The following ESR1 variants were observed in gnomAD, a reference collection of about 807,000 sequenced individuals.
ESR1 encodes the protein estrogen receptor 1.
ESR1 carries 12 observed loss-of-function variants against 52.7 expected under a neutral mutation model. That is an observed-to-expected ratio of 0.23 (90% CI 0.15 to 0.37). ESR1 has a LOEUF of 0.37. Ranked by LOEUF, ESR1 falls within the 10% of genes least tolerant of loss-of-function variation. The pLI, the probability that ESR1 is intolerant of heterozygous loss-of-function variation, is 1.00. For synonymous variants in ESR1, 305 were observed against 316.8 expected, an observed-to-expected ratio of 0.96 and a Z score of 0.39; for missense variants, 584 against 779.7, an observed-to-expected ratio of 0.75 and a Z score of 2.99.
intron 2 of ESR1, among the ~76,000 whole-genome samples, chr6:151,793,292 C>T (rs1458470610): frequency 1.3e-5 from 2 of 152,100 alleles, no homozygotes; most frequent in Admixed American, 1.3e-4. Context: ...CACATCTTGT[C>T]CCACTGGAAA....
chr6:151,867,240 G>T (rs1790077358), intron 2 of ESR1, among the ~76,000 whole-genome samples: 1 of 152,112 alleles, frequency 6.6e-6, no homozygotes, highest in Non-Finnish European at 1.5e-5. Context: ...AAAAGCAATG[G>T]CAACAAAAGC....
chr6:152,101,254 T>C lies in ESR1; in HGVS notation c.*2288T>C, dbSNP rs1404800391. 4.3e-6 allele frequency: 1 copy of C among 232,310 alleles called. No individual in the cohort carries two copies. The highest frequency in any genetic ancestry group is 8.5e-6 in the Non-Finnish European group (1 of 117,336). 14.4% of individuals were successfully genotyped at this position (232,310 alleles called of 1,614,324 possible). ...GATTATGCCTGAAAAGGAAAATTAT[T>C]CAGGGCAGCTAATTTTGCTTTTACC... On this transcript the variant is annotated 3_prime_UTR_variant, in exon 8 of 8. Coordinates refer to ENST00000206249, the MANE Select transcript of ESR1 (RefSeq NM_000125.4).
At chr6:151,670,225 C>T (rs1289687277) in intron 1 of ESR1, among the ~76,000 whole-genome samples, 1 of 152,206 alleles carries the variant, frequency 6.6e-6, no homozygotes, top group African/African-American at 2.4e-5. Context: ...CCCTCAGCTT[C>T]TTACTTGGCT....
intron 1 of ESR1, among the ~76,000 whole-genome samples, chr6:151,819,163 T>C (rs1780152449): frequency 6.6e-6 from 1 of 152,260 alleles, no homozygotes. Context: ...ATGCTATCCC[T>C]ATCAGGTGAA....
intron 1 of ESR1, among the ~76,000 whole-genome samples, chr6:151,694,795 CA>C (rs71017507): frequency 1.7e-3 from 240 of 139,014 alleles, no homozygotes; most frequent in Middle Eastern, 3.9e-3. Flanking sequence ...TAAAAAAAGA[CA>C]AAAAAAAAAA....
At chr6:151,695,385 C>A (rs186055090) in intron 1 of ESR1, among the ~76,000 whole-genome samples, 2 of 152,288 alleles carry the variant, frequency 1.3e-5, no homozygotes, top group East Asian at 3.9e-4. Flanking sequence ...AGACAGGCCC[C>A]AACAAGTTGA....
chr6:151,658,083 A>C (rs1777517257), intron 1 of ESR1, among the ~76,000 whole-genome samples: 1 of 152,316 alleles, frequency 6.6e-6, no homozygotes, highest in Admixed American at 6.5e-5. Flanking sequence ...GATTTTAGCC[A>C]TCCAAGAAAG....
intron 2 of ESR1, among the ~76,000 whole-genome samples, chr6:151,722,256 A>G (rs149125850): frequency 0.02 from 3,117 of 152,352 alleles, 38 homozygotes; most frequent in East Asian, 0.033. Context: ...ATGGTGGAAC[A>G]TACCTGCCTG....
At chr6:151,937,756 A>G (rs190878489) in intron 3 of ESR1, among the ~76,000 whole-genome samples, 3 of 152,306 alleles carry the variant, frequency 2.0e-5, no homozygotes, top group Admixed American at 1.3e-4. Context: ...TCATGATATA[A>G]TCATCTTACC....
At chr6:151,973,730 T>C (rs1001938040) in intron 4 of ESR1, among the ~76,000 whole-genome samples, 8 of 152,166 alleles carry the variant, frequency 5.3e-5, no homozygotes, top group African/African-American at 1.4e-4. Flanking sequence ...CCAATAAGTA[T>C]GAATGCCACC....
At chr6:151,962,627 G>A (rs968289563) in intron 4 of ESR1, among the ~76,000 whole-genome samples, 7 of 152,160 alleles carry the variant, frequency 4.6e-5, no homozygotes, top group African/African-American at 1.7e-4. Context: ...CAAAACAAAA[G>A]TATGTGGCTT....
chr6:152,101,774 A>G lies in ESR1; in HGVS notation c.*2808A>G, dbSNP rs2050973479. 1 of 229,928 alleles carries G rather than the reference A, an allele frequency of 4.3e-6. No individual in the cohort carries two copies. Among genetic ancestry groups the G allele is most frequent in the Non-Finnish European group, 8.6e-6 (1 of 116,088 alleles). 14.2% of individuals were successfully genotyped at this position (229,928 alleles called of 1,614,324 possible). A position where few individuals can be genotyped will look rare whatever the true frequency, so the allele number is the denominator to read the frequency against. On this transcript the variant is annotated 3_prime_UTR_variant, in exon 8 of 8. Coordinates refer to ENST00000206249, the MANE Select transcript of ESR1 (RefSeq NM_000125.4). ...TTCAGGAATCTGGGGAATGGCAAAT[A>G]TATTAAGAAGAGTATTGAAAGTATT...
intron 2 of ESR1, among the ~76,000 whole-genome samples, chr6:151,785,422 CA>C (rs1202593071): frequency 6.6e-6 from 1 of 152,146 alleles, no homozygotes; most frequent in Non-Finnish European, 1.5e-5. Flanking sequence ...CTTTGAGAAC[CA>C]CAGAGTAAGG....
intron 1 of ESR1, among the ~76,000 whole-genome samples, chr6:151,825,612 G>A (rs1284222117): frequency 6.6e-6 from 1 of 152,044 alleles, no homozygotes; most frequent in Non-Finnish European, 1.5e-5. Flanking sequence ...CCAGAGTGAG[G>A]GTTAGAAATG....
intron 2 of ESR1, among the ~76,000 whole-genome samples, chr6:151,860,584 C>T (rs1788695654): frequency 6.6e-6 from 1 of 152,094 alleles, no homozygotes; most frequent in Admixed American, 6.6e-5. Context: ...CACACATACA[C>T]AATGGGATAT....
chr6:151,954,770 A>G (rs562064457), intron 4 of ESR1, among the ~76,000 whole-genome samples: 40 of 152,344 alleles, frequency 2.6e-4, no homozygotes, highest in African/African-American at 8.9e-4. Flanking sequence ...TTCAAGTTCT[A>G]TCTGTCAGTG....
At chr6:151,912,035 A>G (rs979081892) in intron 3 of ESR1, among the ~76,000 whole-genome samples, 9 of 152,226 alleles carry the variant, frequency 5.9e-5, no homozygotes, top group African/African-American at 1.9e-4. Context: ...CACTCTCTGT[A>G]TTCAAGTGCT....
chr6:152,094,271 A>C lies in ESR1; in HGVS notation c.1370-114A>C, dbSNP rs1263169806. 4.4e-5 allele frequency: 39 copies of C among 891,906 alleles called. No individual in the cohort carries two copies. 55.2% of individuals were successfully genotyped at this position (891,906 alleles called of 1,614,324 possible). A position where few individuals can be genotyped will look rare whatever the true frequency, so the allele number is the denominator to read the frequency against. ...GGGTCCAGAGCATCCCCATTGCTAGACTACTGTGCTGAGGAAGGGCACTGG... is the reference window on the plus strand; with the variant it reads ...GGGTCCAGAGCATCCCCATTGCTAGCCTACTGTGCTGAGGAAGGGCACTGG... On this transcript the variant is annotated intron_variant, in intron 6 of 7. Transcript: ENST00000206249. The surrounding 1 kb of genome is among the most constrained non-coding windows in gnomAD (Gnocchi z 4.6).
rs1400767830 is a variant in ESR1 at position 152,125,570 on chromosome 6, A to G, written c.*222A>G. 1.9e-5 allele frequency: 10 copies of G among 515,664 alleles called. No homozygotes were observed. In the Admixed American group the frequency reaches 2.1e-4, roughly 11 times the overall value. The allele number at this position is 515,664 out of a possible 1,614,324, so 31.9% of individuals were successfully genotyped here. On this transcript the variant is annotated 3_prime_UTR_variant, in exon 7 of 7. Transcript: ENST00000427531. ...CTTTGGATCAAATTTTCTTCAAAAC[A>G]TCCTTCCCCTGACTTTAAAATATGC...
Sources: allele counts gnomAD v4.1 joint callset (sites outside exome capture counted in the v4.1 genomes callset), GRCh38; gene constraint gnomAD v4.1.1; non-coding constraint Gnocchi (gnomAD v3.1); transcripts MANE v1.5; gene names NCBI Gene and HGNC (gene_info 2026-07-23, HGNC 2026-07-21).